The following CASK variants were observed in gnomAD, a reference collection of about 807,000 sequenced individuals.
CASK encodes the protein calcium/calmodulin dependent serine protein kinase.
Under a neutral mutation model 82.9 loss-of-function variants are expected in CASK, and 4 were observed. The observed-to-expected ratio is 0.05, with a 90% confidence interval of 0.02 to 0.11. The LOEUF (loss-of-function observed/expected upper bound fraction) is 0.11, where lower values mean the gene tolerates loss of function less well. Ranked by LOEUF, CASK falls within the 10% of genes least tolerant of loss-of-function variation. CASK has a pLI of 1.00. For synonymous variants in CASK, 259 were observed against 253.5 expected, an observed-to-expected ratio of 1.02 and a Z score of -0.20; for missense variants, 358 against 720.9, an observed-to-expected ratio of 0.50 and a Z score of 5.76.
chrX:41,642,806 T>A (rs1254165077), intron 8 of CASK, among the ~76,000 whole-genome samples: 1 of 112,140 alleles, frequency 8.9e-6, no homozygotes, highest in Non-Finnish European at 1.9e-5. Context: ...GGTGTTTTAG[T>A]CATGAAGTCC....
At chrX:41,850,971 G>A (rs1027754227) in intron 2 of CASK, among the ~76,000 whole-genome samples, 2 of 111,929 alleles carry the variant, frequency 1.8e-5, no homozygotes, top group African/African-American at 3.2e-5. Context: ...AAAGGTAGAG[G>A]TGGTGGAGAT....
intron 2 of CASK, among the ~76,000 whole-genome samples, chrX:41,819,029 C>T (rs912207694): frequency 2.7e-5 from 3 of 111,177 alleles, no homozygotes; most frequent in Non-Finnish European, 5.7e-5. Flanking sequence ...AACAATACGT[C>T]GACAAATTGG....
At chrX:41,614,970 T>G (rs2066168786) in intron 11 of CASK, among the ~76,000 whole-genome samples, 1 of 110,512 alleles carries the variant, frequency 9.0e-6, no homozygotes, top group African/African-American at 3.3e-5. Context: ...TACACCCATC[T>G]AAGTTTTGTA....
Position 41,888,690 on chromosome X carries a change from T to C in CASK, c.59+34240A>G, listed in dbSNP as rs185959713. ...ATATATGTATATGTATGTGAATATA[T>C]GTATATATATACGTATATATGTATA... On this transcript the variant is annotated intron_variant, in intron 1 of 26. Transcript: ENST00000378163. Among the ~76,000 whole-genome samples, 634 of 95,170 alleles carry C rather than the reference T, an allele frequency of 6.7e-3. 5 individuals are homozygous for C. Among genetic ancestry groups the C allele is most frequent in the South Asian group, 0.025 (57 of 2,273 alleles). The allele number at this position is 95,170 out of a possible 115,157, so 82.6% of individuals were successfully genotyped here.
chrX:41,711,349 G>A (rs1569413446), intron 5 of CASK, among the ~76,000 whole-genome samples: 1 of 112,411 alleles, frequency 8.9e-6, no homozygotes, highest in Non-Finnish European at 1.9e-5. Flanking sequence ...GTTGTTGAAA[G>A]AGTAGAAAAG....
intron 1 of CASK, among the ~76,000 whole-genome samples, chrX:41,909,398 TTTC>T (rs1316972955): frequency 1.8e-5 from 2 of 112,400 alleles, no homozygotes; most frequent in Non-Finnish European, 3.8e-5. Context: ...CTCAGAAGTC[TTTC>T]TTTACTTTGA....
intron 5 of CASK, among the ~76,000 whole-genome samples, chrX:41,687,664 A>G (rs916331063): frequency 4.5e-5 from 5 of 111,332 alleles, no homozygotes; most frequent in Non-Finnish European, 9.4e-5. Context: ...ATACTTAAAA[A>G]TGGTTAAGAT....
chrX:41,815,533 AT>A (rs967149503), intron 2 of CASK, among the ~76,000 whole-genome samples: 13 of 111,780 alleles, frequency 1.2e-4, no homozygotes, highest in Admixed American at 3.8e-4. Context: ...AATTAAAAAA[AT>A]ATATTATCTC....
chrX:41,826,888 C>T (rs1016784064), intron 2 of CASK, among the ~76,000 whole-genome samples: 3 of 111,715 alleles, frequency 2.7e-5, no homozygotes, highest in Non-Finnish European at 5.6e-5. Context: ...TAATTGTATC[C>T]CTTTCATTAT....
At chrX:41,616,061 G>A (rs1261892929) in intron 11 of CASK, among the ~76,000 whole-genome samples, 1 of 112,045 alleles carries the variant, frequency 8.9e-6, no homozygotes, top group Non-Finnish European at 1.9e-5. Context: ...AATTTTGGCT[G>A]TACCAGACCA....
intron 5 of CASK, among the ~76,000 whole-genome samples, chrX:41,703,162 T>C (rs1251977045): frequency 1.8e-5 from 2 of 112,526 alleles, no homozygotes; most frequent in Non-Finnish European, 3.7e-5. Context: ...TAAATAGTTT[T>C]TAGTTATAAA....
chrX:41,804,630 C>T (rs969484992), intron 2 of CASK, among the ~76,000 whole-genome samples: 3 of 111,712 alleles, frequency 2.7e-5, no homozygotes, highest in Non-Finnish European at 5.6e-5. Context: ...ACACCAGGGA[C>T]ATGCTTGCTT....
intron 4 of CASK, among the ~76,000 whole-genome samples, chrX:41,739,759 CA>C (rs2068563267): frequency 8.9e-6 from 1 of 112,348 alleles, no homozygotes; most frequent in Non-Finnish European, 1.9e-5. Flanking sequence ...TAAAACATGA[CA>C]ATTTTTTTCC....
chrX:41,822,111 C>T (rs1308511260), intron 2 of CASK, among the ~76,000 whole-genome samples: 2 of 112,490 alleles, frequency 1.8e-5, no homozygotes, highest in Non-Finnish European at 3.8e-5. Flanking sequence ...ATATTCTAAT[C>T]AAAACTGGCT....
intron 3 of CASK, among the ~76,000 whole-genome samples, chrX:41,762,424 G>C (rs1487773132): frequency 9.0e-6 from 1 of 111,420 alleles, no homozygotes; most frequent in Non-Finnish European, 1.9e-5. Context: ...TCTTCTCCTG[G>C]GGGCCAGACT....
At chrX:41,722,514 C>T (rs1569418841) in intron 5 of CASK, among the ~76,000 whole-genome samples, 1 of 112,404 alleles carries the variant, frequency 8.9e-6, no homozygotes, top group Non-Finnish European at 1.9e-5. Flanking sequence ...TTTTCCTCAC[C>T]TTTAAAATGA....
rs1303734062 is a variant in CASK at position 41,885,626 on chromosome X, T to C, written c.60-32399A>G. ...AGTAATTTATTCCTCACAATTAGCA[T>C]AAATAATTTGCCACCCATTAGGAAC... On this transcript the variant is annotated intron_variant, in intron 1 of 26. Transcript: ENST00000378163. Among the ~76,000 whole-genome samples the C allele has an allele frequency of 2.7e-5, 3 of 112,204 alleles. No individual in the cohort carries two copies. The Admixed American group carries it at 2.8e-4, about 11-fold the overall frequency.
At chrX:41,860,653 C>T (rs746680391) in intron 1 of CASK, among the ~76,000 whole-genome samples, 2 of 112,051 alleles carry the variant, frequency 1.8e-5, no homozygotes, top group Non-Finnish European at 3.8e-5. Context: ...AACAGAGATG[C>T]TGTCCTGACA....
chrX:41,669,796 G>A (rs1602437928), intron 6 of CASK, among the ~76,000 whole-genome samples: 1 of 111,862 alleles, frequency 8.9e-6, no homozygotes, highest in Non-Finnish European at 1.9e-5. Flanking sequence ...TGGATCGGCT[G>A]TACTGTACTA....
Sources: gnomAD v4.1 joint callset for allele counts (sites outside exome capture counted in the v4.1 genomes callset) on GRCh38, gnomAD v4.1.1 for gene constraint, MANE v1.5 for transcripts, NCBI Gene and HGNC (gene_info 2026-07-23, HGNC 2026-07-21) for gene names.